MYO3B: variants seen among roughly 807,000 people sequenced by gnomAD.
MYO3B encodes myosin-IIIb.
In MYO3B, 156 loss-of-function variants were observed where a neutral mutation model predicts 174.6. That is an observed-to-expected ratio of 0.89 (90% CI 0.78 to 1.02). The LOEUF (loss-of-function observed/expected upper bound fraction) is 1.02, where lower values mean the gene tolerates loss of function less well. MYO3B is among the 50% of genes least tolerant of loss of function. The pLI is 0.00. For missense variants in MYO3B, 1,632 were observed against 1,639.4 expected (o/e 1.00, Z 0.08); for synonymous variants, 563 against 569.1 (o/e 0.99, Z 0.15).
chr2:170,600,932 A>G (rs1254981354), intron 32 of MYO3B, among the ~76,000 whole-genome samples: 2 of 152,236 alleles, frequency 1.3e-5, no homozygotes, highest in African/African-American at 4.8e-5. Context: ...TAAGTGGGCT[A>G]TGCGAAATTT....
chr2:170,509,877 A>G (rs909406237), intron 28 of MYO3B, among the ~76,000 whole-genome samples: 4 of 152,222 alleles, frequency 2.6e-5, no homozygotes, highest in Admixed American at 1.3e-4. Context: ...TGTACCTATC[A>G]TGTTTAACCC....
intron 7 of MYO3B, among the ~76,000 whole-genome samples, chr2:170,241,587 C>T (rs1273507322): frequency 2.0e-5 from 3 of 152,112 alleles, no homozygotes; most frequent in Admixed American, 6.6e-5. Flanking sequence ...CCTCATTTAT[C>T]GGTAAAGGTG....
intron 1 of MYO3B, among the ~76,000 whole-genome samples, chr2:170,187,050 A>G (rs1559283720): frequency 7.0e-6 from 1 of 142,220 alleles, no homozygotes; most frequent in Admixed American, 6.9e-5. Context: ...AATTTTATTT[A>G]TCTTTTCAAA....
intron 32 of MYO3B, among the ~76,000 whole-genome samples, chr2:170,549,432 CTT>C (rs1690741929): frequency 6.6e-6 from 1 of 152,182 alleles, no homozygotes; most frequent in African/African-American, 2.4e-5. Flanking sequence ...GATTTCGGGT[CTT>C]TCATGGCCTG....
chr2:170,291,575 A>G (rs961813959), intron 7 of MYO3B, among the ~76,000 whole-genome samples: 1 of 152,184 alleles, frequency 6.6e-6, no homozygotes, highest in South Asian at 2.1e-4. Context: ...TCTTTTAGAT[A>G]GAATAACTCC....
At chr2:170,203,947 G>A (rs1418065418) in intron 3 of MYO3B, among the ~76,000 whole-genome samples, 2 of 152,148 alleles carry the variant, frequency 1.3e-5, no homozygotes, top group Non-Finnish European at 2.9e-5. Context: ...AGAGTTAAGA[G>A]GCTGAGGACT....
At chr2:170,431,856 A>G (rs1240898039) in intron 22 of MYO3B, among the ~76,000 whole-genome samples, 1 of 152,236 alleles carries the variant, frequency 6.6e-6, no homozygotes, top group Non-Finnish European at 1.5e-5. Context: ...TGCATCACAT[A>G]ATGACATTTC....
At chr2:170,280,406 C>G (rs2093499351) in intron 7 of MYO3B, among the ~76,000 whole-genome samples, 1 of 151,978 alleles carries the variant, frequency 6.6e-6, no homozygotes, top group Admixed American at 6.6e-5. Context: ...CTCCCATTCT[C>G]TAGGTTGTAT....
At position 170,387,087 on chromosome 2, in the gene MYO3B, C is replaced by T. The variant is rs758476546; in HGVS notation, c.1375-19C>T. 49 of 1,612,948 alleles carry T rather than the reference C, an allele frequency of 3.0e-5. No individual in the cohort carries two copies. Among genetic ancestry groups the T allele is most frequent in the Non-Finnish European group, 3.8e-5 (45 of 1,179,134 alleles). On this transcript the variant is annotated intron_variant, in intron 13 of 34. Coordinates refer to ENST00000408978, the MANE Select transcript of MYO3B (RefSeq NM_138995.5). ...AATGTTTCTGGAGTCTCTTCTTGAC[C>T]GTTCTCTGTTTGGCACAGGCCAATA...
At chr2:170,568,547 A>G (rs373178152) in intron 32 of MYO3B, among the ~76,000 whole-genome samples, 1 of 152,222 alleles carries the variant, frequency 6.6e-6, no homozygotes, top group East Asian at 1.9e-4. Context: ...TTTTGCCCAA[A>G]TAAGAGATGA....
At chr2:170,598,393 T>A (rs1490566405) in intron 32 of MYO3B, among the ~76,000 whole-genome samples, 1 of 152,236 alleles carries the variant, frequency 6.6e-6, no homozygotes. Flanking sequence ...TCCATCTGAA[T>A]AAACAGAGTG....
At chr2:170,238,383 C>T (rs777517448) in intron 7 of MYO3B, among the ~76,000 whole-genome samples, 9 of 152,122 alleles carry the variant, frequency 5.9e-5, no homozygotes, top group Non-Finnish European at 1.3e-4. Context: ...TCTCTCTCTC[C>T]GCCCCCTCAG....
At chr2:170,392,916 A>T (rs946673129) in intron 16 of MYO3B, among the ~76,000 whole-genome samples, 3 of 149,590 alleles carry the variant, frequency 2.0e-5, no homozygotes, top group African/African-American at 7.4e-5. Context: ...GGGGGGTAGG[A>T]GTACAGGAAT....
chr2:170,450,288 G>T (rs1371809795), intron 23 of MYO3B, among the ~76,000 whole-genome samples: 1 of 152,100 alleles, frequency 6.6e-6, no homozygotes, highest in Non-Finnish European at 1.5e-5. Flanking sequence ...TTGCACTTTA[G>T]GGGACCTAAT....
chr2:170,193,610 G>A (rs2092566384), intron 1 of MYO3B, among the ~76,000 whole-genome samples: 1 of 151,740 alleles, frequency 6.6e-6, no homozygotes, highest in Non-Finnish European at 1.5e-5. Context: ...GTTGTTTGAT[G>A]TTTGTATGTG....
chr2:170,519,959 C>CT (rs1688568524), intron 30 of MYO3B: 6 of 117,446 alleles, frequency 5.1e-5, no homozygotes, highest in African/African-American at 2.0e-4. Context: ...GGCAACACAG[C>CT]AAGACTCTGT....
intron 8 of MYO3B, among the ~76,000 whole-genome samples, chr2:170,335,861 T>C (rs1446049108): frequency 6.6e-6 from 1 of 152,164 alleles, no homozygotes; most frequent in Non-Finnish European, 1.5e-5. Flanking sequence ...ATCTGTGGCA[T>C]GGGAACAAGG....
chr2:170,389,783 G>T (rs2094399410), intron 14 of MYO3B, among the ~76,000 whole-genome samples: 1 of 152,096 alleles, frequency 6.6e-6, no homozygotes, highest in South Asian at 2.1e-4. Context: ...GCAGACTCTA[G>T]GTTTCTTTCC....
intron 7 of MYO3B, among the ~76,000 whole-genome samples, chr2:170,260,804 G>GC (rs1228299783): frequency 2.0e-5 from 3 of 152,166 alleles, no homozygotes; most frequent in African/African-American, 7.2e-5. Flanking sequence ...TGGGGTGCTG[G>GC]CAATAGCCTA....
Sources: gnomAD v4.1 joint callset for allele counts (sites outside exome capture counted in the v4.1 genomes callset) on GRCh38, gnomAD v4.1.1 for gene constraint, MANE v1.5 for transcripts, NCBI Gene and HGNC (gene_info 2026-07-23, HGNC 2026-07-21) for gene names.